The following HSD17B12 variants were observed in gnomAD, a reference collection of about 807,000 sequenced individuals.
HSD17B12 encodes the protein very-long-chain 3-oxoacyl-CoA reductase.
Under a neutral mutation model 39.3 loss-of-function variants are expected in HSD17B12, and 32 were observed. The observed-to-expected ratio is 0.81, with a 90% CI of 0.61 to 1.09. HSD17B12 has a LOEUF of 1.09. Ranked by LOEUF, HSD17B12 falls within the 50% of genes least tolerant of loss-of-function variation. The pLI is 0.00. For missense variants in HSD17B12, 342 were observed against 382.9 expected (o/e 0.89, Z 0.89); for synonymous variants, 150 against 146.7 (o/e 1.02, Z -0.16).
chr11:43,712,072 A>C (rs1229107475), intron 1 of HSD17B12, among the ~76,000 whole-genome samples: 1 of 152,174 alleles, frequency 6.6e-6, no homozygotes, highest in Non-Finnish European at 1.5e-5. Context: ...TAAGTCTGAT[A>C]AGAAACATTT....
intron 1 of HSD17B12, chr11:43,718,780 C>CAA: frequency 9.1e-7 from 1 of 1,103,798 alleles, no homozygotes; most frequent in Non-Finnish European, 1.4e-6. Context: ...TTCACAGCCA[C>CAA]AAAAAAAAGA....
At chr11:43,632,290 C>T in the HSD17B12 span, among the ~76,000 whole-genome samples, 1 of 152,128 alleles carries the variant, frequency 6.6e-6, no homozygotes. Context: ...AACGTGAAGA[C>T]CAATGCTTCC....
intron 1 of HSD17B12, among the ~76,000 whole-genome samples, chr11:43,729,321 G>C (rs1200910169): frequency 6.6e-6 from 1 of 152,134 alleles, no homozygotes; most frequent in Non-Finnish European, 1.5e-5. Flanking sequence ...CTTGTGAAGG[G>C]ATTGAAGGTG....
intron 1 of HSD17B12, among the ~76,000 whole-genome samples, chr11:43,692,683 G>A (rs762892825): frequency 6.6e-6 from 1 of 152,110 alleles, no homozygotes; most frequent in African/African-American, 2.4e-5. Context: ...AGACTAATTC[G>A]TGAAAAATTA....
the HSD17B12 span, among the ~76,000 whole-genome samples, chr11:43,580,299 G>C: frequency 1.3e-5 from 2 of 149,888 alleles, no homozygotes; most frequent in East Asian, 4.0e-4. Context: ...ATCTCCCGTC[G>C]TTGTGGGGTC....
intron 3 of HSD17B12, among the ~76,000 whole-genome samples, chr11:43,785,096 GTT>G (rs34389751): frequency 4.0e-5 from 6 of 149,632 alleles, no homozygotes; most frequent in African/African-American, 4.9e-5. Flanking sequence ...AGTAAACAGG[GTT>G]TTTTTTTTTG....
Position 43,783,333 on chromosome 11 carries a change from A to G in HSD17B12, c.284-14987A>G, listed in dbSNP as rs570394201. Among the ~76,000 whole-genome samples the G allele has an allele frequency of 4.6e-5, 7 of 151,704 alleles. No homozygotes were observed. The South Asian group carries it at 1.2e-3, about 27-fold the overall frequency. On this transcript the variant is annotated intron_variant, in intron 3 of 10. Transcript: ENST00000278353. ...TGCAGTAAGTACATACTAAGGCAGC[A>G]TTCTCAAACTTTTTAGTCTCAGAGC... is the stretch of plus-strand genomic sequence containing the variant.
At chr11:43,600,449 C>A in the HSD17B12 span, among the ~76,000 whole-genome samples, 1 of 151,820 alleles carries the variant, frequency 6.6e-6, no homozygotes, top group African/African-American at 2.4e-5. Context: ...CCATTGTATT[C>A]ATGGTGTTGA....
chr11:43,622,895 G>T, the HSD17B12 span, among the ~76,000 whole-genome samples: 1 of 152,052 alleles, frequency 6.6e-6, no homozygotes, highest in South Asian at 2.1e-4. Context: ...AATTTCAAAA[G>T]GCAACCACAT....
chr11:43,669,028 G>T, the HSD17B12 span, among the ~76,000 whole-genome samples: 1 of 151,900 alleles, frequency 6.6e-6, no homozygotes, highest in South Asian at 2.1e-4. Context: ...ATGAGATATT[G>T]CCACTGATAT....
intron 7 of HSD17B12, chr11:43,838,110 C>T (rs1031595856): frequency 1.3e-5 from 7 of 544,612 alleles, no homozygotes; most frequent in African/African-American, 3.8e-5. Context: ...ATGAGCTAAT[C>T]GTGAAGAAGA....
chr11:43,776,116 T>C (rs1950701054), intron 3 of HSD17B12, among the ~76,000 whole-genome samples: 1 of 152,180 alleles, frequency 6.6e-6, no homozygotes, highest in African/African-American at 2.4e-5. Flanking sequence ...TTTGGGTATA[T>C]ACACAGTAAT....
chr11:43,784,189 A>T (rs1950793724), intron 3 of HSD17B12, among the ~76,000 whole-genome samples: 1 of 152,114 alleles, frequency 6.6e-6, no homozygotes, highest in Non-Finnish European at 1.5e-5. Context: ...TAAGCATGGG[A>T]AACGTTACTG....
intron 1 of HSD17B12, among the ~76,000 whole-genome samples, chr11:43,742,296 T>C (rs1199592932): frequency 1.3e-5 from 2 of 151,458 alleles, no homozygotes; most frequent in East Asian, 3.9e-4. Context: ...TGCTACCACA[T>C]TGGCTAATTT....
chr11:43,854,250 T>C (rs899811055), intron 9 of HSD17B12: 2 of 152,982 alleles, frequency 1.3e-5, no homozygotes, highest in African/African-American at 4.8e-5. Context: ...AAGATGTCTA[T>C]TTTAGAAGGA....
At position 43,696,906 on chromosome 11, in the gene HSD17B12, T is replaced by C. The variant is rs1291313575; in HGVS notation, c.160+15919T>C. ...AGTCATCATCCTCAGCAAACTAACA[T>C]AGGAACAGAGGACCAAACACCACAT... On this transcript the variant is annotated intron_variant, in intron 1 of 10. Transcript: ENST00000278353. Among the ~76,000 whole-genome samples, 3 of 150,492 alleles carry C rather than the reference T, an allele frequency of 2.0e-5. No individual in the cohort carries two copies. The Admixed American group carries it at 2.0e-4, about 10-fold the overall frequency.
chr11:43,664,649 G>C, the HSD17B12 span, among the ~76,000 whole-genome samples: 1 of 152,182 alleles, frequency 6.6e-6, no homozygotes, highest in Non-Finnish European at 1.5e-5. Context: ...TACTTCTCAA[G>C]ACTAGCTAGG....
chr11:43,800,898 G>A (rs1950960317), intron 4 of HSD17B12, among the ~76,000 whole-genome samples: 1 of 152,092 alleles, frequency 6.6e-6, no homozygotes, highest in Admixed American at 6.6e-5. Context: ...GAGCACTTTG[G>A]GAGGCCAAGG....
chr11:43,608,072 T>A, the HSD17B12 span, among the ~76,000 whole-genome samples: 1 of 152,138 alleles, frequency 6.6e-6, no homozygotes, highest in South Asian at 2.1e-4. Flanking sequence ...ATACATTTTT[T>A]AAAAGTAAAA....
Sources: allele counts gnomAD v4.1 joint callset (sites outside exome capture counted in the v4.1 genomes callset), GRCh38; gene constraint gnomAD v4.1.1; transcripts MANE v1.5; gene names NCBI Gene and HGNC (gene_info 2026-07-23, HGNC 2026-07-21).